RNF17: variants seen among roughly 807,000 people sequenced by gnomAD.
The protein encoded by RNF17 is ring finger protein 17.
A neutral mutation model predicts 200.5 loss-of-function variants in RNF17; 31 were observed. That is an observed-to-expected ratio of 0.15 (90% CI 0.12 to 0.21). The LOEUF (loss-of-function observed/expected upper bound fraction) is 0.21, where lower values mean the gene tolerates loss of function less well. Among genes scored for constraint, RNF17 ranks in the 10% least tolerant of loss-of-function variants. The pLI, the probability that RNF17 is intolerant of heterozygous loss-of-function variation, is 1.00. For missense variants in RNF17, 1,628 were observed against 1,905.1 expected, an observed-to-expected ratio of 0.85 and a Z score of 2.71; for synonymous variants, 606 against 637.8, an observed-to-expected ratio of 0.95 and a Z score of 0.75.
the RNF17 span, among the ~76,000 whole-genome samples, chr13:24,748,010 C>T: frequency 5.3e-5 from 8 of 152,246 alleles, no homozygotes; most frequent in African/African-American, 1.9e-4. Flanking sequence ...CGGGGCGGGG[C>T]TGCTGGACTT....
At chr13:24,838,916 G>C (rs1177259269) in intron 18 of RNF17, among the ~76,000 whole-genome samples, 1 of 152,078 alleles carries the variant, frequency 6.6e-6, no homozygotes, top group Non-Finnish European at 1.5e-5. Flanking sequence ...TGTTTAACTT[G>C]AAAACCCTAA....
rs778765992 is a variant in RNF17, at chr13:24,778,283, G to A, written c.318-12G>A. ...TCACAAAAAATAAAATAATATACTT[G>A]ATACTTTTCAGGATAAAGAATTGTT... On this transcript the variant is annotated splice_polypyrimidine_tract_variant and intron_variant, in intron 3 of 35. Coordinates refer to ENST00000255324, the MANE Select transcript of RNF17 (RefSeq NM_031277.3). The A allele has an allele frequency of 2.0e-6, 3 of 1,522,552 alleles. No individual in the cohort carries two copies. Among genetic ancestry groups the A allele is most frequent in the Non-Finnish European group, 2.7e-6 (3 of 1,098,444 alleles). The allele number at this position is 1,522,552 out of a possible 1,614,324, so 94.3% of individuals were successfully genotyped here.
chr13:24,851,557 T>G lies in RNF17; in HGVS notation c.3306T>G (p.Ala1102=). ...AATATTTGATTAAAAAGGGTTTGGC[T>G]TTGAGAGAAAGGAGGTATAGACTTT... ...VSKYLIKKGL[A]LRERRINNLD... The change falls in exon 24 of 36, where the codon GCT becomes GCG. Residue 1102 remains alanine, a synonymous_variant. Coordinates refer to ENST00000255324, the MANE Select transcript of RNF17 (RefSeq NM_031277.3). 6.2e-7 allele frequency: 1 copy of G among 1,610,060 alleles called. No homozygotes were observed. Among genetic ancestry groups the G allele is most frequent in the Non-Finnish European group, 8.5e-7 (1 of 1,178,566 alleles).
intron 32 of RNF17, among the ~76,000 whole-genome samples, chr13:24,871,259 G>A (rs1323865261): frequency 6.6e-6 from 1 of 152,190 alleles, no homozygotes; most frequent in Non-Finnish European, 1.5e-5. Flanking sequence ...GGTATGTAAT[G>A]CATAGAGATG....
At chr13:24,840,869 C>T (rs901215797) in intron 18 of RNF17, among the ~76,000 whole-genome samples, 7 of 152,194 alleles carry the variant, frequency 4.6e-5, no homozygotes, top group African/African-American at 1.7e-4. Context: ...ACCACGTGTA[C>T]CCCTATAACT....
chr13:24,884,361 TAAAG>T (rs893883081), downstream of RNF17: 1 of 1,614,176 alleles, frequency 6.2e-7, no homozygotes. Context: ...ACGTCACCAT[TAAAG>T]AAAGTGACAG....
At chr13:24,826,232 T>G in intron 16 of RNF17, 1 of 278,238 alleles carries the variant, frequency 3.6e-6, no homozygotes, top group Non-Finnish European at 5.5e-6. Flanking sequence ...ACATCCTCCT[T>G]AAGTAATTGA....
intron 18 of RNF17, 36 bp from the exon 19 acceptor site, chr13:24,842,005 T>A (rs1243455020): frequency 1.3e-6 from 2 of 1,573,526 alleles, no homozygotes; most frequent in South Asian, 2.4e-5. Context: ...TTTTGTGACA[T>A]ATTTCTTTCC....
chr13:24,838,658 A>G lies in RNF17; in HGVS notation c.2483-3383A>G, dbSNP rs186786735. Among the ~76,000 whole-genome samples, 306 of 152,296 alleles carry G rather than the reference A, an allele frequency of 2.0e-3. 2 individuals carry two copies. Among genetic ancestry groups the G allele is most frequent in the Admixed American group, 2.8e-3 (43 of 15,288 alleles). On this transcript the variant is annotated intron_variant, in intron 18 of 35. Transcript: ENST00000255324. ...TAAAACTCCCAGGAATTTGGCATAC[A>G]AGGGACATACCTTAATGTAATAAAA...
chr13:24,782,749 T>C (rs1431190103), intron 6 of RNF17, among the ~76,000 whole-genome samples: 1 of 152,128 alleles, frequency 6.6e-6, no homozygotes, highest in Non-Finnish European at 1.5e-5. Flanking sequence ...GGTGGGAGGA[T>C]TGCTTGAGCC....
intron 6 of RNF17, among the ~76,000 whole-genome samples, chr13:24,782,921 A>G (rs1882619124): frequency 6.6e-6 from 1 of 151,940 alleles, no homozygotes; most frequent in Non-Finnish European, 1.5e-5. Flanking sequence ...AGTCCAGTTT[A>G]TTGTTTCTTT....
At chr13:24,766,474 G>A (rs1879712010) in intron 1 of RNF17, among the ~76,000 whole-genome samples, 1 of 152,232 alleles carries the variant, frequency 6.6e-6, no homozygotes, top group Admixed American at 6.5e-5. Context: ...TAAATGCTAA[G>A]TTTGTGAAAA....
At chr13:24,797,562 G>A (rs1884712308) in intron 11 of RNF17, among the ~76,000 whole-genome samples, 1 of 152,072 alleles carries the variant, frequency 6.6e-6, no homozygotes, top group Non-Finnish European at 1.5e-5. Context: ...TGTTGAGTTT[G>A]CACATTCTCC....
chr13:24,782,449 C>T (rs1438908904), intron 6 of RNF17, among the ~76,000 whole-genome samples: 1 of 152,074 alleles, frequency 6.6e-6, no homozygotes, highest in East Asian at 1.9e-4. Context: ...CATCCTGCCT[C>T]AGCCTCCTAA....
At chr13:24,861,969 G>A (rs541151378) in intron 27 of RNF17, among the ~76,000 whole-genome samples, 14 of 152,148 alleles carry the variant, frequency 9.2e-5, no homozygotes, top group East Asian at 1.9e-4. Context: ...TGTGGTGGAC[G>A]GCGAAAGAGA....
intron 15 of RNF17, among the ~76,000 whole-genome samples, chr13:24,819,960 A>G (rs1201531278): frequency 6.6e-6 from 1 of 152,076 alleles, no homozygotes; most frequent in Non-Finnish European, 1.5e-5. Flanking sequence ...TTGTTTACCT[A>G]GGACTGTCTT....
chr13:24,793,486 A>C, intron 10 of RNF17, 140 bp downstream of exon 10: 1 of 759,574 alleles, frequency 1.3e-6, no homozygotes, highest in Non-Finnish European at 2.0e-6. Flanking sequence ...AAACCTGTTC[A>C]TTCCATGCCC....
chr13:24,845,709 C>T (rs555332545), intron 22 of RNF17, among the ~76,000 whole-genome samples: 8 of 152,124 alleles, frequency 5.3e-5, no homozygotes, highest in South Asian at 4.2e-4. Context: ...GAATAGCAGC[C>T]AAAACTAAGG....
chr13:24,800,640 T>A lies in RNF17; in HGVS notation c.1758+106T>A, dbSNP rs1190491504. ...AGGCTCAGGGAACCAGTAATCTTGA[T>A]AAATACATAGTGCATATTAAACTGT... On this transcript the variant is annotated intron_variant, in intron 13 of 35. Transcript: ENST00000255324. 6 of 815,182 alleles carry A rather than the reference T, an allele frequency of 7.4e-6. No individual in the cohort carries two copies. The Admixed American group carries it at 1.3e-4, about 18-fold the overall frequency. 50.5% of individuals were successfully genotyped at this position (815,182 alleles called of 1,614,324 possible). A position where few individuals can be genotyped will look rare whatever the true frequency, so the allele number is the denominator to read the frequency against.
Sources: allele counts gnomAD v4.1 joint callset (sites outside exome capture counted in the v4.1 genomes callset), GRCh38; gene constraint gnomAD v4.1.1; transcripts MANE v1.5; gene names NCBI Gene and HGNC (gene_info 2026-07-23, HGNC 2026-07-21).